Variants in ZNF138 observed in about 807,000 individuals in gnomAD.
The protein encoded by ZNF138 is zinc finger protein 138 (clone pHZ-32).
In ZNF138, 33 loss-of-function variants were observed where a neutral mutation model predicts 33.0. The observed-to-expected ratio is 1.00, with a 90% confidence interval of 0.76 to 1.34. The LOEUF is 1.34. Among genes scored for constraint, ZNF138 ranks in the 40% most tolerant of loss-of-function variants. The pLI is 0.00. For missense variants in ZNF138, 360 were observed against 370.8 expected (o/e 0.97, Z 0.24); for synonymous variants, 139 against 120.4 (o/e 1.15, Z -1.01).
intron 3 of ZNF138, chr7:64,830,825 G>C: frequency 1.6e-6 from 2 of 1,212,672 alleles, no homozygotes; most frequent in African/African-American, 3.1e-5. Context: ...GAGTCTTTCA[G>C]ACATGTTCTT....
the ZNF138 span, among the ~76,000 whole-genome samples, chr7:64,846,790 T>A: frequency 6.6e-6 from 1 of 152,212 alleles, no homozygotes; most frequent in South Asian, 2.1e-4. Context: ...GGACTTTCAG[T>A]ACTATGTTGA....
At chr7:64,848,998 C>T in the ZNF138 span, among the ~76,000 whole-genome samples, 1 of 152,294 alleles carries the variant, frequency 6.6e-6, no homozygotes, top group East Asian at 1.9e-4. Context: ...GCCACCACAC[C>T]TGGCTGGGGG....
chr7:64,850,096 C>G, the ZNF138 span, among the ~76,000 whole-genome samples: 3 of 152,204 alleles, frequency 2.0e-5, no homozygotes, highest in South Asian at 6.2e-4. Context: ...AATGGCTTCC[C>G]AGAAGACTCA....
downstream of ZNF138, among the ~76,000 whole-genome samples, chr7:64,834,729 T>G (rs1382180178): frequency 6.6e-6 from 1 of 152,210 alleles, no homozygotes; most frequent in African/African-American, 2.4e-5. Flanking sequence ...GACAAAAGTC[T>G]AAGTGGAGAG....
At chr7:64,842,349 A>C in the ZNF138 span, among the ~76,000 whole-genome samples, 2 of 152,228 alleles carry the variant, frequency 1.3e-5, no homozygotes, top group African/African-American at 4.8e-5. Context: ...GGCGTGAGCC[A>C]CTGTGCCCTG....
Position 64,832,279 on chromosome 7 carries a change from A to G in ZNF138, c.*77A>G. The G allele has an allele frequency of 6.3e-7, 1 of 1,596,926 alleles. No individual in the cohort carries two copies. Among genetic ancestry groups the G allele is most frequent in the Non-Finnish European group, 8.5e-7 (1 of 1,174,370 alleles). On this transcript the variant is annotated 3_prime_UTR_variant, in exon 4 of 4. Transcript: ENST00000307355. ...GAAGAATGTGGCAAAGCCTTTAACC[A>G]GTTTTCAACCCTTATTACACATAAG...
the ZNF138 span, among the ~76,000 whole-genome samples, chr7:64,845,535 C>T: frequency 6.6e-6 from 1 of 152,182 alleles, no homozygotes; most frequent in Non-Finnish European, 1.5e-5. Flanking sequence ...AGTTTACATT[C>T]CCACCAGCAG....
rs562991691 is a variant in ZNF138 at position 64,807,337 on chromosome 7, T to C, written c.4-7581T>C. On this transcript the variant is annotated intron_variant, in intron 1 of 3. Coordinates refer to ENST00000307355, the MANE Select transcript of ZNF138 (RefSeq NM_001271639.2). Reference sequence around the variant, plus strand: ...CTGGTCTGGGCACTCTGTCCCTCTTTTTGCCTTTACAAATCCACTTATAAC... The same window carrying C: ...CTGGTCTGGGCACTCTGTCCCTCTTCTTGCCTTTACAAATCCACTTATAAC... Among the ~76,000 whole-genome samples the C allele has an allele frequency of 2.4e-3, 368 of 152,318 alleles. 5 individuals are homozygous for C. Among genetic ancestry groups the C allele is most frequent in the African/African-American group, 8.5e-3 (355 of 41,584 alleles).
At chr7:64,804,814 C>T (rs1041784277) in intron 1 of ZNF138, among the ~76,000 whole-genome samples, 1 of 152,060 alleles carries the variant, frequency 6.6e-6, no homozygotes, top group Admixed American at 6.5e-5. Context: ...CTGTCAGAGG[C>T]ATTCCATTAT....
At chr7:64,839,955 C>T in the ZNF138 span, among the ~76,000 whole-genome samples, 1 of 151,822 alleles carries the variant, frequency 6.6e-6, no homozygotes, top group Non-Finnish European at 1.5e-5. Context: ...GCCAAAGGTG[C>T]AGCGCACTTT....
chr7:64,817,996 AT>A (rs1162172898), intron 3 of ZNF138, among the ~76,000 whole-genome samples: 13,881 of 86,962 alleles, frequency 0.16, 677 homozygotes, highest in South Asian at 0.26. Flanking sequence ...TATTATTATT[AT>A]TTTTTTTTTT....
intron 1 of ZNF138, among the ~76,000 whole-genome samples, chr7:64,808,763 G>C (rs1248344514): frequency 7.4e-6 from 1 of 134,470 alleles, no homozygotes; most frequent in Non-Finnish European, 1.7e-5. Context: ...TTGTGTCCCT[G>C]GGTACTTGAG....
intron 1 of ZNF138, among the ~76,000 whole-genome samples, chr7:64,799,150 T>C (rs187218909): frequency 3.6e-4 from 55 of 152,164 alleles, no homozygotes; most frequent in Non-Finnish European, 7.5e-4. Context: ...ATGGCCATTT[T>C]AATGATATTG....
Position 64,832,328 on chromosome 7 carries a change from C to G in ZNF138, c.*126C>G. 3.8e-6 allele frequency: 6 copies of G among 1,568,792 alleles called. No homozygotes were observed. Among genetic ancestry groups the G allele is most frequent in the Non-Finnish European group, 4.3e-6 (5 of 1,161,254 alleles). On this transcript the variant is annotated 3_prime_UTR_variant, in exon 4 of 4. Coordinates refer to ENST00000307355, the MANE Select transcript of ZNF138 (RefSeq NM_001271639.2). Reference sequence around the variant, plus strand: ...AGATAATTCATAGCGGAGAGAAACCCCACAAATGTGAAGAATGTGGCAGAG... The same window carrying G: ...AGATAATTCATAGCGGAGAGAAACCGCACAAATGTGAAGAATGTGGCAGAG...
chr7:64,823,931 C>A (rs942862692), intron 3 of ZNF138, among the ~76,000 whole-genome samples: 4 of 152,066 alleles, frequency 2.6e-5, no homozygotes, highest in Non-Finnish European at 4.4e-5. Flanking sequence ...GATTGAGACT[C>A]CACCTCAAAA....
At chr7:64,806,854 G>A (rs137955569) in intron 1 of ZNF138, among the ~76,000 whole-genome samples, 3 of 151,882 alleles carry the variant, frequency 2.0e-5, no homozygotes, top group Non-Finnish European at 4.4e-5. Flanking sequence ...AGCCCACTCT[G>A]TTGTTGGGAA....
At chr7:64,836,669 C>A (rs1467126518), downstream of ZNF138, 1 of 152,192 alleles carries the variant, frequency 6.6e-6, no homozygotes, top group Admixed American at 6.5e-5. Context: ...ATTAATGCCT[C>A]ATGGATATTG....
chr7:64,797,912 G>C (rs1239689241), intron 1 of ZNF138, among the ~76,000 whole-genome samples: 1 of 152,126 alleles, frequency 6.6e-6, no homozygotes, highest in African/African-American at 2.4e-5. Flanking sequence ...AATGGAGGGT[G>C]TATAAATCAG....
the ZNF138 span, among the ~76,000 whole-genome samples, chr7:64,839,098 C>A: frequency 1.3e-5 from 2 of 152,174 alleles, no homozygotes; most frequent in African/African-American, 4.8e-5. Context: ...AACCTTTGAA[C>A]AAATTTGATT....
Sources: allele counts gnomAD v4.1 joint callset (sites outside exome capture counted in the v4.1 genomes callset), GRCh38; gene constraint gnomAD v4.1.1; transcripts MANE v1.5; gene names NCBI Gene and HGNC (gene_info 2026-07-23, HGNC 2026-07-21).